Variants in HCN3 observed in about 807,000 individuals in gnomAD.
HCN3 encodes hyperpolarization activated cyclic nucleotide gated potassium channel 3.
In HCN3, 36 loss-of-function variants were observed where a neutral mutation model predicts 56.8. The observed-to-expected ratio is 0.63, with a 90% CI of 0.49 to 0.84. The LOEUF is 0.84. Ranked by LOEUF, HCN3 falls within the 40% of genes least tolerant of loss-of-function variation. The pLI is 0.00. For missense variants in HCN3, 930 were observed against 1,079.3 expected (o/e 0.86, Z 1.94); for synonymous variants, 425 against 439.7 (o/e 0.97, Z 0.42).
At position 155,285,188 on chromosome 1, in the gene HCN3, G is replaced by T. The variant is rs756858097; in HGVS notation, c.1113G>T (p.Met371Ile). 4 of 1,614,218 alleles carry T rather than the reference G, an allele frequency of 2.5e-6. No homozygotes were observed. Among genetic ancestry groups the T allele is most frequent in the Admixed American group, 1.7e-5 (1 of 60,034 alleles). Residue 371 changes from methionine (M) to isoleucine (I), a missense_variant, in exon 5 of 8, where the codon ATG becomes ATT. Coordinates refer to ENST00000368358, the MANE Select transcript of HCN3 (RefSeq NM_020897.3). This position sits in a 1 kb window ranked among gnomAD's most constrained non-coding sequence, Gnocchi z 4.5. ...AGTACAAGCAGGTGGAGCAGTACAT[G>T]TCCTTCCACAAGCTGCCAGCAGACA... ...QEKYKQVEQYMSFHKLPADTR... is the reference protein window; with the variant it reads ...QEKYKQVEQYISFHKLPADTR...
In HCN3 at chr1:155,282,332, A is replaced by G; in HGVS notation, c.279-79A>G. ...TGTGTATCTTTGCCCATTCTTGGCC[A>G]TGTCAGCCTATCTTCTGTCAGTCTA... On this transcript the variant is annotated intron_variant, in intron 1 of 7. Transcript: ENST00000368358. The surrounding 1 kb of genome is among the most constrained non-coding windows in gnomAD (Gnocchi z 4.7). 1.5e-6 allele frequency: 2 copies of G among 1,368,950 alleles called. No individual in the cohort carries two copies. Among genetic ancestry groups the G allele is most frequent in the Non-Finnish European group, 2.1e-6 (2 of 973,276 alleles). 84.8% of individuals were successfully genotyped at this position (1,368,950 alleles called of 1,614,324 possible). A position where few individuals can be genotyped will look rare whatever the true frequency, so the allele number is the denominator to read the frequency against.
intron 2 of HCN3, 99 bp from the exon 3 acceptor site, chr1:155,283,875 C>T (rs1674171496): frequency 1.6e-6 from 2 of 1,265,752 alleles, no homozygotes; most frequent in African/African-American, 1.5e-5. Flanking sequence ...GGGGCTGGGG[C>T]TAGGGAGTAG....
Position 155,289,837 on chromosome 1 carries a change from T to C in HCN3, c.*1374T>C, listed in dbSNP as rs180944719. On this transcript the variant is annotated 3_prime_UTR_variant, in exon 8 of 8. Coordinates refer to ENST00000368358, the MANE Select transcript of HCN3 (RefSeq NM_020897.3). ...CAAACAGCTGGGTTTAAATATAAAA[T>C]AGACACACTCATTTTTGGCTCTTGG... The C allele has an allele frequency of 1.2e-4, 19 of 152,442 alleles. No individual in the cohort carries two copies. The highest frequency in any genetic ancestry group is 4.3e-4 in the African/African-American group (18 of 41,512). 9.4% of individuals were successfully genotyped at this position (152,442 alleles called of 1,614,324 possible). A position where few individuals can be genotyped will look rare whatever the true frequency, so the allele number is the denominator to read the frequency against.
rs758961759 is a variant in HCN3, at chr1:155,287,208, A to G, written c.1513A>G (p.Ser505Gly). Residue 505 changes from serine (S) to glycine (G), a missense_variant, in exon 7 of 8, where the codon AGT becomes GGT. Ser to Gly is a moderately conservative substitution (Grantham distance 56). Coordinates refer to ENST00000368358, the MANE Select transcript of HCN3 (RefSeq NM_020897.3). ...GCTAACTAGGGGCCGGCGCACAGCCAGTGTTCGGGCTGACACCTACTGCCG... is the reference window on the plus strand; with the variant it reads ...GCTAACTAGGGGCCGGCGCACAGCCGGTGTTCGGGCTGACACCTACTGCCG... ...CLLTRGRRTA[S>G]VRADTYCRLY... 1.2e-6 allele frequency: 2 copies of G among 1,613,982 alleles called. No individual in the cohort carries two copies. Among genetic ancestry groups the G allele is most frequent in the Non-Finnish European group, 8.5e-7 (1 of 1,179,956 alleles).
At position 155,285,281 on chromosome 1, in the gene HCN3, C is replaced by A. The variant is rs1452156862; in HGVS notation, c.1206C>A (p.Ile402=). 1.2e-6 allele frequency: 2 copies of A among 1,613,136 alleles called. No homozygotes were observed. The highest frequency in any genetic ancestry group is 1.7e-6 in the Non-Finnish European group (2 of 1,179,586). Residue 402 remains isoleucine (I), a synonymous_variant, in exon 5 of 8, where the codon ATC becomes ATA. Coordinates refer to ENST00000368358, the MANE Select transcript of HCN3 (RefSeq NM_020897.3). The surrounding 1 kb of genome is among the most constrained non-coding windows in gnomAD (Gnocchi z 4.5). The part of the protein sequence containing the change: ...YQGKMFDEES[I]LGELSEPLRE... ...GCAAGATGTTCGATGAGGAAAGCAT[C>A]CTGGGCGAGCTGAGCGAGCCGCTTC...
In HCN3 at chr1:155,285,096, C is replaced by T. The variant is rs1674223717; in HGVS notation, c.1090-69C>T. The T allele has an allele frequency of 3.2e-6, 5 of 1,567,746 alleles. No individual in the cohort carries two copies. Among genetic ancestry groups the T allele is most frequent in the Non-Finnish European group, 3.5e-6 (4 of 1,150,382 alleles). ...CTGTGTCTCTGACCTTCCGCACACA[C>T]ACCCCACTGTGCCGGCCCCAAATCT... is the stretch of plus-strand genomic sequence containing the variant. On this transcript the variant is annotated intron_variant, in intron 4 of 7. Transcript: ENST00000368358. The surrounding 1 kb of genome is among the most constrained non-coding windows in gnomAD (Gnocchi z 4.5).
At position 155,289,236 on chromosome 1, in the gene HCN3, T is replaced by C. The variant is rs1674428849; in HGVS notation, c.*773T>C. On this transcript the variant is annotated 3_prime_UTR_variant, in exon 8 of 8. Transcript: ENST00000368358. The stretch of plus-strand genomic sequence containing the variant: ...ATATGCCAGCCTAGATCCCCCCCGG[T>C]GGAGGGGCAAATGGCTGAATCCTTG... 1 of 152,384 alleles carries C rather than the reference T, an allele frequency of 6.6e-6. No homozygotes were observed. The highest frequency in any genetic ancestry group is 6.5e-5 in the Admixed American group (1 of 15,286). The allele number at this position is 152,384 out of a possible 1,614,324, so 9.4% of individuals were successfully genotyped here. A position where few individuals can be genotyped will look rare whatever the true frequency, so the allele number is the denominator to read the frequency against.
In HCN3 at chr1:155,288,321, C is replaced by T. The variant is rs1674388191; in HGVS notation, c.2183C>T (p.Ser728Phe). 1.2e-6 allele frequency: 2 copies of T among 1,613,554 alleles called. No individual in the cohort carries two copies. Among genetic ancestry groups the T allele is most frequent in the Admixed American group, 1.7e-5 (1 of 60,002 alleles). ...SLPQRATGDG[S>F]PGRKGSGSER... ...CCTCAGCGGGCAACAGGCGATGGCT[C>T]TCCTGGGCGTAAGGGATCAGGAAGT... Residue 728 changes from serine (S) to phenylalanine (F), a missense_variant, in exon 8 of 8, where the codon TCT becomes TTT. Ser to Phe is a radical substitution (Grantham distance 155). Coordinates refer to ENST00000368358, the MANE Select transcript of HCN3 (RefSeq NM_020897.3). The surrounding 1 kb of genome is among the most constrained non-coding windows in gnomAD (Gnocchi z 6.5).
chr1:155,288,599 A>G lies in HCN3; in HGVS notation c.*136A>G. On this transcript the variant is annotated 3_prime_UTR_variant, in exon 8 of 8. Coordinates refer to ENST00000368358, the MANE Select transcript of HCN3 (RefSeq NM_020897.3). This position sits in a 1 kb window ranked among gnomAD's most constrained non-coding sequence, Gnocchi z 6.5. ...TCGACCCTGTGCGGACATTCCGCAT[A>G]CTGCCATGAAGACGGTCTCTGTGTC... 1 of 1,110,374 alleles carries G rather than the reference A, an allele frequency of 9.0e-7. No individual in the cohort carries two copies. Among genetic ancestry groups the G allele is most frequent in the Non-Finnish European group, 1.3e-6 (1 of 792,242 alleles). The allele number at this position is 1,110,374 out of a possible 1,614,324, so 68.8% of individuals were successfully genotyped here. A position where few individuals can be genotyped will look rare whatever the true frequency, so the allele number is the denominator to read the frequency against.
chr1:155,289,524 A>G lies in HCN3; in HGVS notation c.*1061A>G, dbSNP rs892513467. On this transcript the variant is annotated 3_prime_UTR_variant, in exon 8 of 8. Coordinates refer to ENST00000368358, the MANE Select transcript of HCN3 (RefSeq NM_020897.3). The stretch of plus-strand genomic sequence containing the variant: ...AGGAGGAGCCACATGAGAGAGGGAG[A>G]AGGACCGCGTTTACCTTTAGAGTTT... 4 of 152,326 alleles carry G rather than the reference A, an allele frequency of 2.6e-5. No homozygotes were observed. The highest frequency in any genetic ancestry group is 9.7e-5 in the African/African-American group (4 of 41,410). The allele number at this position is 152,326 out of a possible 1,614,324, so 9.4% of individuals were successfully genotyped here.
rs1193260764 is a variant in HCN3 at position 155,282,561 on chromosome 1, C to T, written c.429C>T (p.Leu143=). 2.5e-6 allele frequency: 4 copies of T among 1,614,134 alleles called. No individual in the cohort carries two copies. In the East Asian group the frequency reaches 8.9e-5, roughly 36 times the overall value. ...CTTTCTTCCTACTGGATCTGGTGCTCAACTTCCGAACGGGCATCGTGGTGG... is the reference window on the plus strand; with the variant it reads ...CTTTCTTCCTACTGGATCTGGTGCTTAACTTCCGAACGGGCATCGTGGTGG... The part of the protein sequence containing the change: ...SDTFFLLDLV[L]NFRTGIVVEE... The change falls in exon 2 of 8, where the codon CTC becomes CTT. Residue 143 remains leucine (L), a synonymous_variant. Transcript: ENST00000368358. The surrounding 1 kb of genome is among the most constrained non-coding windows in gnomAD (Gnocchi z 4.7).
At chr1:155,286,294 C>T (rs1674284487) in intron 6 of HCN3, among the ~76,000 whole-genome samples, 1 of 152,076 alleles carries the variant, frequency 6.6e-6, no homozygotes, top group South Asian at 2.1e-4. Flanking sequence ...CACAGGCACC[C>T]GCCACCACGC....
At chr1:155,280,506 G>A (rs1185353759) in intron 1 of HCN3, among the ~76,000 whole-genome samples, 2 of 149,190 alleles carry the variant, frequency 1.3e-5, no homozygotes, top group African/African-American at 2.5e-5. Context: ...GCACAATCTC[G>A]GCTCACTGCA....
Position 155,277,812 on chromosome 1 carries a change from GC to G in HCN3, c.223del (p.Gln75ArgfsTer4), listed in dbSNP as rs1451082644. On this transcript the variant is annotated frameshift_variant, in exon 1 of 8. Transcript: ENST00000368358. LOFTEE classifies it high-confidence loss of function. ...FGSHKAVEIE[Q>X]ERVKSAGAWI... is the part of the protein sequence containing the mutation. Reference sequence around the variant, plus strand: ...GCAGCCACAAAGCAGTGGAAATCGAGCAGGAGCGGGTGAAGTCAGCGGGGGC... The same window carrying G: ...GCAGCCACAAAGCAGTGGAAATCGAGAGGAGCGGGTGAAGTCAGCGGGGGC... 6.2e-7 allele frequency: 1 copy of G among 1,612,390 alleles called. No homozygotes were observed. Among genetic ancestry groups the G allele is most frequent in the Non-Finnish European group, 8.5e-7 (1 of 1,179,936 alleles).
Position 155,282,556 on chromosome 1 carries a change from G to C in HCN3, c.424G>C (p.Val142Leu). ...LSDTFFLLDL[V>L]LNFRTGIVVE... ...TGATACTTTCTTCCTACTGGATCTGGTGCTCAACTTCCGAACGGGCATCGT... is the reference window on the plus strand; with the variant it reads ...TGATACTTTCTTCCTACTGGATCTGCTGCTCAACTTCCGAACGGGCATCGT... Residue 142 changes from valine (V) to leucine (L), a missense_variant, in exon 2 of 8, where the codon GTG (valine) becomes CTG (leucine). By Grantham distance (32) the Val-to-Leu change is conservative. Coordinates refer to ENST00000368358, the MANE Select transcript of HCN3 (RefSeq NM_020897.3). The surrounding 1 kb of genome is among the most constrained non-coding windows in gnomAD (Gnocchi z 4.7). 6.2e-7 allele frequency: 1 copy of C among 1,614,234 alleles called. No homozygotes were observed. Among genetic ancestry groups the C allele is most frequent in the Non-Finnish European group, 8.5e-7 (1 of 1,180,048 alleles).
chr1:155,277,763 A>G lies in HCN3; in HGVS notation c.173A>G (p.Asn58Ser). ...HLGTLLQPTV[N>S]KFSLRVFGSH... ...GGGACGCTGCTCCAGCCTACGGTCA[A>G]CAAGTTCTCCCTTCGGGTGTTCGGC... Residue 58 changes from asparagine to serine, a missense_variant, in exon 1 of 8, where the codon AAC (asparagine) becomes AGC (serine). Asn to Ser is a conservative substitution (Grantham distance 46). Coordinates refer to ENST00000368358, the MANE Select transcript of HCN3 (RefSeq NM_020897.3). 1 of 1,609,202 alleles carries G rather than the reference A, an allele frequency of 6.2e-7. No homozygotes were observed. Among genetic ancestry groups the G allele is most frequent in the South Asian group, 1.1e-5 (1 of 90,178 alleles).
At position 155,282,362 on chromosome 1, in the gene HCN3, C is replaced by A; in HGVS notation, c.279-49C>A. The stretch of plus-strand genomic sequence containing the variant: ...AGCCTATCTTCTGTCAGTCTAGTGG[C>A]TGGTGAAATATCCTCATGGTCTTAC... On this transcript the variant is annotated intron_variant, in intron 1 of 7. Coordinates refer to ENST00000368358, the MANE Select transcript of HCN3 (RefSeq NM_020897.3). This position sits in a 1 kb window ranked among gnomAD's most constrained non-coding sequence, Gnocchi z 4.7. 1 of 1,556,818 alleles carries A rather than the reference C, an allele frequency of 6.4e-7. No individual in the cohort carries two copies. The highest frequency in any genetic ancestry group is 8.8e-7 in the Non-Finnish European group (1 of 1,134,734).
rs1407813061 is a variant in HCN3, at chr1:155,288,483, C to G, written c.*20C>G. 1 of 1,563,166 alleles carries G rather than the reference C, an allele frequency of 6.4e-7. No homozygotes were observed. Among genetic ancestry groups the G allele is most frequent in the Non-Finnish European group, 8.6e-7 (1 of 1,156,298 alleles). ...ATGTAAAACCTTTGAGTACATCCAG[C>G]CTTAGTTCTTGGGGTGCAGTAGTAT... On this transcript the variant is annotated 3_prime_UTR_variant, in exon 8 of 8. Coordinates refer to ENST00000368358, the MANE Select transcript of HCN3 (RefSeq NM_020897.3). The surrounding 1 kb of genome is among the most constrained non-coding windows in gnomAD (Gnocchi z 6.5).
At position 155,282,863 on chromosome 1, in the gene HCN3, G is replaced by A. The variant is rs749735280; in HGVS notation, c.708+23G>A. The stretch of plus-strand genomic sequence containing the variant: ...GAGGTGGGGTGGGGAGATGGCGGGC[G>A]GGGCAGTGGGTGGGGGATGTTGGGG... On this transcript the variant is annotated intron_variant, in intron 2 of 7. Coordinates refer to ENST00000368358, the MANE Select transcript of HCN3 (RefSeq NM_020897.3). This position sits in a 1 kb window ranked among gnomAD's most constrained non-coding sequence, Gnocchi z 4.7. 9.7e-6 allele frequency: 15 copies of A among 1,554,060 alleles called. No homozygotes were observed. The highest frequency in any genetic ancestry group is 2.3e-5 in the South Asian group (2 of 85,544).
Sources: allele counts gnomAD v4.1 joint callset (sites outside exome capture counted in the v4.1 genomes callset), GRCh38; gene constraint gnomAD v4.1.1; non-coding constraint Gnocchi (gnomAD v3.1); transcripts MANE v1.5; gene names NCBI Gene and HGNC (gene_info 2026-07-23, HGNC 2026-07-21).